Variants in COL25A1 observed in about 807,000 individuals in gnomAD.
COL25A1 encodes collagen alpha-1(XXV) chain.
A neutral mutation model predicts 128.4 loss-of-function variants in COL25A1; 103 were observed. That is an observed-to-expected ratio of 0.80 (90% CI 0.68 to 0.94). The LOEUF (loss-of-function observed/expected upper bound fraction) is 0.94, where lower values mean the gene tolerates loss of function less well. Among genes scored for constraint, COL25A1 ranks in the 40% least tolerant of loss-of-function variants. The pLI is 0.00. For synonymous variants in COL25A1, 279 were observed against 277.2 expected (o/e 1.01, Z -0.06); for missense variants, 745 against 840.0 (o/e 0.89, Z 1.40).
chr4:109,102,045 G>T (rs771942282), intron 3 of COL25A1, among the ~76,000 whole-genome samples: 1 of 152,130 alleles, frequency 6.6e-6, no homozygotes, highest in Non-Finnish European at 1.5e-5. Flanking sequence ...TTTATAAGGA[G>T]AACTTTTTTT....
intron 3 of COL25A1, among the ~76,000 whole-genome samples, chr4:109,213,570 A>G (rs1777755524): frequency 6.6e-6 from 1 of 152,152 alleles, no homozygotes; most frequent in African/African-American, 2.4e-5. Flanking sequence ...CAGCCCATTT[A>G]ATCTCCCAGT....
chr4:109,176,511 G>A (rs931755897), intron 3 of COL25A1, among the ~76,000 whole-genome samples: 2 of 152,128 alleles, frequency 1.3e-5, no homozygotes, highest in African/African-American at 4.8e-5. Context: ...ACAGATTAGG[G>A]TGAAAAGAAA....
intron 3 of COL25A1, among the ~76,000 whole-genome samples, chr4:109,058,333 G>C (rs2125958634): frequency 6.6e-6 from 1 of 152,158 alleles, no homozygotes; most frequent in Non-Finnish European, 1.5e-5. Context: ...GTAGGGGTTG[G>C]GAAATAGGAA....
intron 13 of COL25A1, among the ~76,000 whole-genome samples, chr4:108,915,615 G>C (rs999822311): frequency 6.6e-6 from 1 of 151,812 alleles, no homozygotes; most frequent in African/African-American, 2.4e-5. Flanking sequence ...TTAAGAGATA[G>C]GATAGGATCT....
intron 3 of COL25A1, among the ~76,000 whole-genome samples, chr4:109,167,836 A>G (rs1773217515): frequency 6.6e-6 from 1 of 152,168 alleles, no homozygotes; most frequent in Non-Finnish European, 1.5e-5. Flanking sequence ...ACAGAAGACA[A>G]TCTAGAGTGA....
intron 3 of COL25A1, among the ~76,000 whole-genome samples, chr4:109,262,135 T>G (rs906668851): frequency 2.0e-5 from 3 of 152,206 alleles, no homozygotes; most frequent in Admixed American, 6.5e-5. Flanking sequence ...ATTTCTAACC[T>G]GTTCATTTGA....
intron 8 of COL25A1, among the ~76,000 whole-genome samples, chr4:108,950,272 T>C (rs1749255018): frequency 6.6e-6 from 1 of 152,188 alleles, no homozygotes; most frequent in Admixed American, 6.5e-5. Flanking sequence ...CTGTAGTCTC[T>C]GAGAGCAAAG....
chr4:109,175,405 C>T (rs925265105), intron 3 of COL25A1, among the ~76,000 whole-genome samples: 1 of 152,162 alleles, frequency 6.6e-6, no homozygotes, highest in Non-Finnish European at 1.5e-5. Flanking sequence ...CCAACTTTAA[C>T]TAGTGTACAT....
intron 3 of COL25A1, among the ~76,000 whole-genome samples, chr4:109,266,411 T>G (rs1460357055): frequency 6.6e-6 from 1 of 152,192 alleles, no homozygotes; most frequent in Non-Finnish European, 1.5e-5. Context: ...ATGGAGCGAT[T>G]TGAAGAAGGA....
intron 3 of COL25A1, among the ~76,000 whole-genome samples, chr4:109,101,091 G>A (rs1765848995): frequency 1.3e-5 from 2 of 152,270 alleles, no homozygotes; most frequent in South Asian, 4.1e-4. Context: ...ACAGGAATAG[G>A]ACACAACTCA....
chr4:108,889,217 T>C lies in COL25A1; in HGVS notation c.975+4A>G, dbSNP rs1316765262. The C allele has an allele frequency of 4.3e-6, 7 of 1,612,904 alleles. No individual in the cohort carries two copies. The highest frequency in any genetic ancestry group is 1.1e-5 in the South Asian group (1 of 91,050). ...TAGGAACACACTAGAGATAGAGATA[T>C]TACCTTTTGCCCTGGACGACCAGAT... On this transcript the variant is annotated splice_donor_region_variant and intron_variant, in intron 18 of 37. Coordinates refer to ENST00000399132, the MANE Select transcript of COL25A1 (RefSeq NM_198721.4).
chr4:108,962,425 C>T lies in COL25A1; in HGVS notation c.492+11942G>A, dbSNP rs561189275. Among the ~76,000 whole-genome samples, 9 of 152,156 alleles carry T rather than the reference C, an allele frequency of 5.9e-5. No individual in the cohort carries two copies. The East Asian group carries it at 7.8e-4, about 13-fold the overall frequency. On this transcript the variant is annotated intron_variant, in intron 8 of 37. Coordinates refer to ENST00000399132, the MANE Select transcript of COL25A1 (RefSeq NM_198721.4). ...TGATCTCCTGACCTCATGATCCACC[C>T]GCCTCGGCCTCCCAAAATGCTGGGA...
chr4:109,168,099 C>A (rs936704789), intron 3 of COL25A1, among the ~76,000 whole-genome samples: 1 of 152,090 alleles, frequency 6.6e-6, no homozygotes, highest in Non-Finnish European at 1.5e-5. Flanking sequence ...CTCACAATGG[C>A]TCATTGTTTC....
intron 3 of COL25A1, among the ~76,000 whole-genome samples, chr4:109,264,871 T>C (rs1781686728): frequency 1.3e-5 from 2 of 152,248 alleles, no homozygotes; most frequent in Admixed American, 1.3e-4. Flanking sequence ...AATAATTAAT[T>C]ACTTTCATTA....
intron 20 of COL25A1, among the ~76,000 whole-genome samples, chr4:108,866,172 T>C (rs992773533): frequency 6.6e-6 from 1 of 151,400 alleles, no homozygotes; most frequent in African/African-American, 2.4e-5. Context: ...TAAAATATTC[T>C]GACTATAGTC....
chr4:108,823,678 G>A (rs116481320), intron 35 of COL25A1, among the ~76,000 whole-genome samples: 4,333 of 152,150 alleles, frequency 0.028, 104 homozygotes, highest in Admixed American at 0.043. Flanking sequence ...CTAGTCCTGT[G>A]TAGTGAACTT....
At chr4:109,042,697 G>C (rs974867100) in intron 5 of COL25A1, among the ~76,000 whole-genome samples, 2 of 151,860 alleles carry the variant, frequency 1.3e-5, no homozygotes. Flanking sequence ...ATAATAAGTA[G>C]GAATATAAAA....
chr4:109,144,662 T>C (rs976694074), intron 3 of COL25A1, among the ~76,000 whole-genome samples: 1 of 152,194 alleles, frequency 6.6e-6, no homozygotes, highest in African/African-American at 2.4e-5. Context: ...GACTCACATC[T>C]CATCAGAAAA....
intron 3 of COL25A1, among the ~76,000 whole-genome samples, chr4:109,179,642 T>C (rs1774440940): frequency 6.6e-6 from 1 of 152,244 alleles, no homozygotes; most frequent in African/African-American, 2.4e-5. Flanking sequence ...TTCTGTGTTA[T>C]AAAGCTGTCT....
Sources: allele counts gnomAD v4.1 joint callset (sites outside exome capture counted in the v4.1 genomes callset), GRCh38; gene constraint gnomAD v4.1.1; transcripts MANE v1.5; gene names NCBI Gene and HGNC (gene_info 2026-07-23, HGNC 2026-07-21).